REG4: variants seen among roughly 807,000 people sequenced by gnomAD.
The protein encoded by REG4 is regenerating family member 4.
Under a neutral mutation model 22.3 loss-of-function variants are expected in REG4, and 16 were observed. That is an observed-to-expected ratio of 0.72 (90% CI 0.49 to 1.09). The LOEUF (loss-of-function observed/expected upper bound fraction) is 1.09, where lower values mean the gene tolerates loss of function less well. REG4 is among the 50% of genes least tolerant of loss of function. The pLI, the probability that REG4 is intolerant of heterozygous loss-of-function variation, is 0.00. For missense variants in REG4, 214 were observed against 193.9 expected (o/e 1.10, Z -0.61); for synonymous variants, 71 against 69.2 (o/e 1.03, Z -0.13).
chr1:119,798,423 A>G (rs1245972545), intron 5 of REG4, 74 bp downstream of exon 5: 2 of 1,205,436 alleles, frequency 1.7e-6, no homozygotes, highest in African/African-American at 1.5e-5. Context: ...CCCTGTGCCT[A>G]TTTTTGTGCT....
At chr1:119,804,080 G>C (rs75680045) in intron 2 of REG4, among the ~76,000 whole-genome samples, 2,573 of 152,298 alleles carry the variant, frequency 0.017, 75 homozygotes, top group African/African-American at 0.059. Flanking sequence ...TGGATGTACA[G>C]AGGCATCAGG....
At chr1:119,806,706 A>G (rs982224879) in intron 2 of REG4, among the ~76,000 whole-genome samples, 5 of 151,986 alleles carry the variant, frequency 3.3e-5, no homozygotes, top group Admixed American at 1.3e-4. Flanking sequence ...CCTTGACCCC[A>G]CCTCACATGG....
intron 2 of REG4, among the ~76,000 whole-genome samples, chr1:119,804,571 G>T (rs1393631482): frequency 3.3e-5 from 5 of 152,186 alleles, no homozygotes; most frequent in Admixed American, 3.3e-4. Flanking sequence ...AAACAGCAAA[G>T]ATATTCATGT....
chr1:119,794,639 G>C lies in REG4; in HGVS notation c.456C>G (p.Phe152Leu). The C allele has an allele frequency of 6.2e-7, 1 of 1,614,210 alleles. No homozygotes were observed. The highest frequency in any genetic ancestry group is 8.5e-7 in the Non-Finnish European group (1 of 1,180,014). ...TGCTCTATGGTCGGTACTTGCACAG[G>C]AAGTGTTGGCGCTTGTTGCATTCGT... ...SSNECNKRQHFLCKYRP is the reference protein window; with the variant it reads ...SSNECNKRQHLLCKYRP The change falls in exon 6 of 6, where the codon TTC becomes TTG. Residue 152 changes from phenylalanine to leucine, a missense_variant. Coordinates refer to ENST00000256585, the MANE Select transcript of REG4 (RefSeq NM_032044.4).
intron 5 of REG4, among the ~76,000 whole-genome samples, chr1:119,797,231 C>G (rs1163543): frequency 0.34 from 50,986 of 151,996 alleles, 9,404 homozygotes; most frequent in African/African-American, 0.51. Flanking sequence ...TAAAAATCCA[C>G]TTGTTGATAG....
rs759468762 is a variant in REG4, at chr1:119,798,450, G to A, written c.409+47C>T. 5 of 1,450,010 alleles carry A rather than the reference G, an allele frequency of 3.4e-6. No homozygotes were observed. The South Asian group carries it at 4.6e-5, about 13-fold the overall frequency. The allele number at this position is 1,450,010 out of a possible 1,614,324, so 89.8% of individuals were successfully genotyped here. On this transcript the variant is annotated intron_variant, in intron 5 of 5. Transcript: ENST00000256585. ...TTTTGTGCTTACTAGGTAAAGGGAA[G>A]AGTCTGCGCATTGGGAAGTGGTGAG... is the stretch of plus-strand genomic sequence containing the variant.
intron 5 of REG4, among the ~76,000 whole-genome samples, chr1:119,796,480 A>G (rs932815335): frequency 1.3e-5 from 2 of 152,218 alleles, no homozygotes; most frequent in African/African-American, 4.8e-5. Flanking sequence ...CTAAAGAGTT[A>G]TAAAAAAGGA....
At chr1:119,810,686 T>C (rs955580044) in intron 1 of REG4, among the ~76,000 whole-genome samples, 2 of 152,248 alleles carry the variant, frequency 1.3e-5, no homozygotes, top group African/African-American at 4.8e-5. Context: ...AGAGGCAGCA[T>C]CTTTTTTACT....
chr1:119,795,920 G>A (rs1653927872), intron 5 of REG4, among the ~76,000 whole-genome samples: 1 of 152,254 alleles, frequency 6.6e-6, no homozygotes, highest in Admixed American at 6.5e-5. Context: ...CATTGAGCCT[G>A]TGGATAAGCT....
At chr1:119,809,541 G>T (rs926734133) in intron 1 of REG4, among the ~76,000 whole-genome samples, 3 of 152,182 alleles carry the variant, frequency 2.0e-5, no homozygotes, top group African/African-American at 7.2e-5. Context: ...GTAGCCTACA[G>T]ATATCTTTCT....
At chr1:119,799,933 G>C in intron 3 of REG4, 71 bp from the exon 4 acceptor site, 1 of 1,573,412 alleles carries the variant, frequency 6.4e-7, no homozygotes, top group Non-Finnish European at 8.7e-7. Context: ...CAGAACGCTA[G>C]CGTGCCAAGA....
chr1:119,797,192 A>C (rs368026245), intron 5 of REG4, among the ~76,000 whole-genome samples: 1 of 55,188 alleles, frequency 1.8e-5, no homozygotes, highest in Non-Finnish European at 4.4e-5. Context: ...AGCAGTGCTA[A>C]CTGTTTAAAA....
chr1:119,806,951 T>C (rs982209742), intron 2 of REG4, among the ~76,000 whole-genome samples: 2 of 152,224 alleles, frequency 1.3e-5, no homozygotes, highest in Admixed American at 6.5e-5. Flanking sequence ...GTACAGTGAT[T>C]AGCACAGAGC....
intron 5 of REG4, 37 bp from the exon 6 acceptor site, chr1:119,794,722 T>C (rs750226448): frequency 2.5e-6 from 4 of 1,577,320 alleles, no homozygotes; most frequent in East Asian, 2.2e-5. Context: ...ATCCATTCAG[T>C]ACTATACTGA....
intron 5 of REG4, among the ~76,000 whole-genome samples, chr1:119,797,458 G>A (rs1394286288): frequency 6.6e-6 from 1 of 152,072 alleles, no homozygotes; most frequent in Non-Finnish European, 1.5e-5. Flanking sequence ...TTATTCCTCT[G>A]ACAACAGTAA....
At chr1:119,800,220 T>C (rs1247149642) in intron 3 of REG4, among the ~76,000 whole-genome samples, 8 of 152,214 alleles carry the variant, frequency 5.3e-5, no homozygotes, top group Admixed American at 5.2e-4. Context: ...GGACCTGTCA[T>C]GAGGCCTATT....
rs190485833 is a variant in REG4 at position 119,810,969 on chromosome 1, A to T, written c.-95+440T>A. ...CTCAGGAGGCTGAGGCAGGAGAATCACTTGAACCTGGGAGGCAGAAGTTGC... is the reference window on the plus strand; with the variant it reads ...CTCAGGAGGCTGAGGCAGGAGAATCTCTTGAACCTGGGAGGCAGAAGTTGC... On this transcript the variant is annotated intron_variant, in intron 1 of 5. Coordinates refer to ENST00000256585, the MANE Select transcript of REG4 (RefSeq NM_032044.4). Among the ~76,000 whole-genome samples, 420 of 152,246 alleles carry T rather than the reference A, an allele frequency of 2.8e-3. 4 individuals carry two copies. Among genetic ancestry groups the T allele is most frequent in the African/African-American group, 9.3e-3 (388 of 41,546 alleles).
At chr1:119,807,336 T>A (rs1331468904) in intron 2 of REG4, among the ~76,000 whole-genome samples, 5 of 152,204 alleles carry the variant, frequency 3.3e-5, no homozygotes, top group Admixed American at 3.3e-4. Flanking sequence ...AGAATGTCCT[T>A]CTGCAGCTGG....
chr1:119,794,763 G>A, intron 5 of REG4, 78 bp from the exon 6 acceptor site: 1 of 1,230,594 alleles, frequency 8.1e-7, no homozygotes, highest in Non-Finnish European at 1.2e-6. Flanking sequence ...TGTTTTTCTT[G>A]GAAGCATAGA....
Sources: allele counts gnomAD v4.1 joint callset (sites outside exome capture counted in the v4.1 genomes callset), GRCh38; gene constraint gnomAD v4.1.1; transcripts MANE v1.5; gene names NCBI Gene and HGNC (gene_info 2026-07-23, HGNC 2026-07-21).